TNS1: variants seen among roughly 807,000 people sequenced by gnomAD.
TNS1 encodes tensin 1.
TNS1 carries 62 observed loss-of-function variants against 168.6 expected under a neutral mutation model. The ratio of observed to expected loss-of-function variants is 0.37; its 90% CI spans 0.30 to 0.45. TNS1 has a LOEUF of 0.45. Ranked by LOEUF, TNS1 falls within the 20% of genes least tolerant of loss-of-function variation. TNS1 has a pLI of 1.00. For synonymous variants in TNS1, 934 were observed against 933.2 expected (o/e 1.00, Z -0.02); for missense variants, 2,240 against 2,339.4 (o/e 0.96, Z 0.88).
upstream of TNS1, among the ~76,000 whole-genome samples, chr2:218,004,449 A>G (rs987853602): frequency 6.6e-6 from 1 of 151,436 alleles, no homozygotes; most frequent in African/African-American, 2.4e-5. Context: ...CTCCTCTTTC[A>G]CAGGGATCTG....
Position 217,848,298 on chromosome 2 carries a change from C to A in TNS1, c.2219G>T (p.Gly740Val). Residue 740 changes from glycine (G) to valine (V), a missense_variant, in exon 19 of 33, where the codon GGT (glycine) becomes GTT (valine). Gly to Val is a moderately radical substitution (Grantham distance 109). Around this residue, in one of 2 missense-constraint regions of TNS1, gnomAD observed 2,131 missense variants for 2,171.2 expected, o/e 0.98. Coordinates refer to ENST00000682258, the MANE Select transcript of TNS1 (RefSeq NM_001387777.1). The part of the protein sequence containing the change: ...TTSHYAHDPS[G>V]MFRSQSFSEA... ...CGAAAAGGATTGAGAGCGGAACATA[C>A]CGCTGGGGTCATGGGCATAGTGGGA... The A allele has an allele frequency of 6.5e-7, 1 of 1,542,290 alleles. No homozygotes were observed. The highest frequency in any genetic ancestry group is 2.3e-5 in the East Asian group (1 of 44,210).
At chr2:217,883,735 T>C (rs570750196) in intron 16 of TNS1, among the ~76,000 whole-genome samples, 82 of 152,300 alleles carry the variant, frequency 5.4e-4, no homozygotes, top group African/African-American at 1.9e-3. Context: ...TTACATTCTG[T>C]ACTGTAATTA....
intron 3 of TNS1, among the ~76,000 whole-genome samples, chr2:217,965,649 G>A (rs1234055442): frequency 6.6e-6 from 1 of 152,184 alleles, no homozygotes; most frequent in Non-Finnish European, 1.5e-5. Context: ...TCTCAGCCAA[G>A]GTGGAGCCCC....
chr2:217,892,565 C>T (rs1235477486), intron 11 of TNS1, among the ~76,000 whole-genome samples: 1 of 152,210 alleles, frequency 6.6e-6, no homozygotes, highest in African/African-American at 2.4e-5. Flanking sequence ...ATAGATGAGA[C>T]AACTTCTAGA....
At chr2:218,014,278 A>G (rs1203523186), upstream of TNS1, among the ~76,000 whole-genome samples, 1 of 152,158 alleles carries the variant, frequency 6.6e-6, no homozygotes, top group Non-Finnish European at 1.5e-5. Flanking sequence ...ATTAGATGGG[A>G]ACATCACTGC....
At chr2:217,953,666 C>G (rs191686167) in intron 3 of TNS1, among the ~76,000 whole-genome samples, 25 of 152,282 alleles carry the variant, frequency 1.6e-4, no homozygotes, top group African/African-American at 4.8e-4. Flanking sequence ...CCCGCTCCCA[C>G]CTCCACAATC....
At chr2:217,973,138 G>C (rs1419129369) in intron 3 of TNS1, among the ~76,000 whole-genome samples, 1 of 151,986 alleles carries the variant, frequency 6.6e-6, no homozygotes, top group Non-Finnish European at 1.5e-5. Context: ...CAGATCACTT[G>C]AGCCCAGGAG....
At chr2:217,805,518 A>G (rs1574522004) in intron 32 of TNS1, among the ~76,000 whole-genome samples, 1 of 8,486 alleles carries the variant, frequency 1.2e-4, no homozygotes. Context: ...CACACACACC[A>G]CACACACCAC....
rs768383852 is a variant in TNS1, at chr2:217,897,843, A to G, written c.498T>C (p.Arg166=). The part of the protein sequence containing the change: ...ANEENFRSNL[R]EVAQMLKSKH... ...TGGACTTGAGCATCTGCGCCACCTC[A>G]CGGAGGTTGCTCCGGAAGTTCTCCT... Residue 166 remains arginine (R), a synonymous_variant, in exon 8 of 33, where the codon CGT becomes CGC. Transcript: ENST00000682258. The G allele has an allele frequency of 2.5e-6, 4 of 1,612,744 alleles. No individual in the cohort carries two copies. Among genetic ancestry groups the G allele is most frequent in the Non-Finnish European group, 2.5e-6 (3 of 1,179,350 alleles).
At chr2:217,962,264 A>C (rs1354458527) in intron 3 of TNS1, among the ~76,000 whole-genome samples, 2 of 152,160 alleles carry the variant, frequency 1.3e-5, no homozygotes, top group Non-Finnish European at 2.9e-5. Flanking sequence ...ACCAACATGG[A>C]GAAACCCCAT....
rs1454143828 is a variant in TNS1, at chr2:217,851,931, G to C, written c.1430-2844C>G. ...GGCTGAGGCAGGTGGATCACCTGAGGTCAGGAGTTGAAGACCAGCCTGGCC... is the reference window on the plus strand; with the variant it reads ...GGCTGAGGCAGGTGGATCACCTGAGCTCAGGAGTTGAAGACCAGCCTGGCC... On this transcript the variant is annotated intron_variant, in intron 18 of 32. Transcript: ENST00000682258. Among the ~76,000 whole-genome samples, 3 of 152,218 alleles carry C rather than the reference G, an allele frequency of 2.0e-5. No individual in the cohort carries two copies. The East Asian group carries it at 5.8e-4, about 30-fold the overall frequency.
intron 6 of TNS1, 45 bp downstream of exon 6, chr2:217,906,289 GC>G: frequency 3.0e-6 from 2 of 677,926 alleles, no homozygotes; most frequent in Non-Finnish European, 2.7e-6. Flanking sequence ...ATTCCCCCTG[GC>G]CACCAGGGCC....
intron 3 of TNS1, among the ~76,000 whole-genome samples, chr2:217,929,577 C>T (rs543145399): frequency 4.1e-4 from 63 of 152,246 alleles, no homozygotes; most frequent in African/African-American, 1.4e-3. Context: ...GGGCATGACC[C>T]GTCAGCATCC....
In TNS1 at chr2:217,920,182, G is replaced by T. The variant is rs1346944800; in HGVS notation, c.228+13C>A. The T allele has an allele frequency of 1.4e-6, 1 of 702,902 alleles. No individual in the cohort carries two copies. The highest frequency in any genetic ancestry group is 2.6e-6 in the Non-Finnish European group (1 of 385,008). 43.5% of individuals were successfully genotyped at this position (702,902 alleles called of 1,614,324 possible). On this transcript the variant is annotated intron_variant, in intron 4 of 32. Transcript: ENST00000682258. ...AGGCAGGGCTTGCAGGGCAAGGAAG[G>T]GCTGTCACTCACCACCAGCTCATGG...
intron 19 of TNS1, among the ~76,000 whole-genome samples, chr2:217,837,540 T>TG (rs1297615619): frequency 1.3e-5 from 2 of 151,618 alleles, no homozygotes; most frequent in Non-Finnish European, 2.9e-5. Context: ...TAATCGGGGG[T>TG]GGGGGGCGCA....
chr2:217,838,329 G>A (rs1204612100), intron 19 of TNS1, among the ~76,000 whole-genome samples: 1 of 152,246 alleles, frequency 6.6e-6, no homozygotes. Flanking sequence ...TCCATGTTCA[G>A]GGGCCACAGA....
At chr2:217,832,354 ACCTG>A in intron 21 of TNS1, among the ~76,000 whole-genome samples, 2 of 152,146 alleles carry the variant, frequency 1.3e-5, no homozygotes, top group Non-Finnish European at 2.9e-5. Context: ...TTAGCCAAGA[ACCTG>A]GCCAGATTCA....
At chr2:217,817,541 T>C (rs1942083518) in intron 24 of TNS1, 149 bp downstream of exon 24, 1 of 663,036 alleles carries the variant, frequency 1.5e-6, no homozygotes, top group South Asian at 2.0e-5. Context: ...ACTCTCTTTA[T>C]ACGGATAAAG....
At chr2:217,895,759 AT>A (rs2125724161) in intron 8 of TNS1, among the ~76,000 whole-genome samples, 1 of 152,260 alleles carries the variant, frequency 6.6e-6, no homozygotes, top group South Asian at 2.1e-4. Flanking sequence ...AGTCTCTGGA[AT>A]TCCTGCCTCT....
Sources: allele counts gnomAD v4.1 joint callset (sites outside exome capture counted in the v4.1 genomes callset), GRCh38; gene constraint gnomAD v4.1.1; regional missense constraint gnomAD v4.1.1; transcripts MANE v1.5; gene names NCBI Gene and HGNC (gene_info 2026-07-23, HGNC 2026-07-21).